The following CLASP1 variants were observed in gnomAD, a reference collection of about 807,000 sequenced individuals.
CLASP1 encodes cytoplasmic linker associated protein 1.
In CLASP1, 38 loss-of-function variants were observed where a neutral mutation model predicts 192.3. The ratio of observed to expected loss-of-function variants is 0.20; its 90% CI spans 0.15 to 0.26. CLASP1 has a LOEUF of 0.26. Among genes scored for constraint, CLASP1 ranks in the 10% least tolerant of loss-of-function variants. The pLI is 1.00. For missense variants in CLASP1, 1,433 were observed against 1,932.5 expected (o/e 0.74, Z 4.85); for synonymous variants, 691 against 712.8 (o/e 0.97, Z 0.49).
intron 1 of CLASP1, among the ~76,000 whole-genome samples, chr2:121,609,838 G>C (rs2064972597): frequency 6.6e-6 from 1 of 152,214 alleles, no homozygotes; most frequent in African/African-American, 2.4e-5. Flanking sequence ...CTACGTGGGA[G>C]GCTGAGGCAG....
chr2:121,492,617 C>A, intron 8 of CLASP1, among the ~76,000 whole-genome samples: 1 of 147,436 alleles, frequency 6.8e-6, no homozygotes, highest in African/African-American at 2.5e-5. Flanking sequence ...AAATGCAAAT[C>A]AAAACCACAA....
At chr2:121,548,268 T>C (rs534584589) in intron 2 of CLASP1, among the ~76,000 whole-genome samples, 3 of 152,226 alleles carry the variant, frequency 2.0e-5, no homozygotes, top group South Asian at 4.1e-4. Flanking sequence ...AATTTCACAA[T>C]GCAATGACAA....
intron 8 of CLASP1, among the ~76,000 whole-genome samples, chr2:121,479,041 A>C (rs2092351770): frequency 1.6e-5 from 1 of 60,714 alleles, no homozygotes; most frequent in Non-Finnish European, 3.2e-5. Context: ...CCCCACACAC[A>C]CACACACCCC....
chr2:121,472,144 C>T (rs773840226), intron 8 of CLASP1, among the ~76,000 whole-genome samples: 3 of 152,160 alleles, frequency 2.0e-5, no homozygotes, highest in Admixed American at 6.5e-5. Context: ...GACACTATCA[C>T]GCTTCACTCA....
intron 9 of CLASP1, among the ~76,000 whole-genome samples, chr2:121,465,087 G>A (rs2089243639): frequency 6.6e-6 from 1 of 152,164 alleles, no homozygotes; most frequent in Non-Finnish European, 1.5e-5. Context: ...AAAACTGGAA[G>A]CATTCCCTTT....
At chr2:121,543,591 T>C (rs554682461) in intron 2 of CLASP1, among the ~76,000 whole-genome samples, 1 of 152,158 alleles carries the variant, frequency 6.6e-6, no homozygotes, top group South Asian at 2.1e-4. Flanking sequence ...CTCACAGCTC[T>C]TCCTCCTGCC....
exon 2 of CLASP1, chr2:121,606,055 T>C (rs2064376619): frequency 1.6e-6 from 1 of 614,846 alleles, no homozygotes; most frequent in Non-Finnish European, 2.9e-6. Context: ...GCACCATGTG[T>C]GTCTGAAGAG....
At chr2:121,441,192 A>G (rs1241435148) in intron 19 of CLASP1, among the ~76,000 whole-genome samples, 1 of 152,176 alleles carries the variant, frequency 6.6e-6, no homozygotes, top group Non-Finnish European at 1.5e-5. Flanking sequence ...TCTGTTCCCT[A>G]CGTGTTTCAA....
At chr2:121,415,415 A>C (rs1343426587) in intron 23 of CLASP1, among the ~76,000 whole-genome samples, 1 of 152,224 alleles carries the variant, frequency 6.6e-6, no homozygotes, top group Non-Finnish European at 1.5e-5. Context: ...AACAGTTAAG[A>C]GCAACCTCAA....
In CLASP1 at chr2:121,377,694, T is replaced by C. The variant is rs548012509; in HGVS notation, c.3492-45A>G. On this transcript the variant is annotated intron_variant, in intron 33 of 39. Transcript: ENST00000263710. ...TATTTCTTAAATCGAGGCATATACA[T>C]AGAACTGAGATATGGGCATAAGTTA... 45 of 1,367,766 alleles carry C rather than the reference T, an allele frequency of 3.3e-5. No homozygotes were observed. In the South Asian group the frequency reaches 5.8e-4, roughly 18 times the overall value. The allele number at this position is 1,367,766 out of a possible 1,614,324, so 84.7% of individuals were successfully genotyped here.
intron 8 of CLASP1, among the ~76,000 whole-genome samples, chr2:121,470,887 C>T (rs1559336828): frequency 6.6e-6 from 1 of 152,150 alleles, no homozygotes; most frequent in African/African-American, 2.4e-5. Flanking sequence ...AAAAAGACTT[C>T]ACTTTCTATG....
intron 2 of CLASP1, among the ~76,000 whole-genome samples, chr2:121,570,336 T>G (rs2059879317): frequency 6.6e-6 from 1 of 152,248 alleles, no homozygotes; most frequent in East Asian, 1.9e-4. Context: ...AGTGCACCAC[T>G]AAGTAGAACA....
chr2:121,365,527 C>T (rs2067230282), intron 35 of CLASP1, among the ~76,000 whole-genome samples: 1 of 152,232 alleles, frequency 6.6e-6, no homozygotes, highest in Admixed American at 6.5e-5. Flanking sequence ...CCAGTACCAA[C>T]AGTCAATGTC....
At chr2:121,607,664 C>T (rs192150342) in intron 1 of CLASP1, among the ~76,000 whole-genome samples, 18 of 152,288 alleles carry the variant, frequency 1.2e-4, no homozygotes, top group African/African-American at 4.1e-4. Flanking sequence ...CAGTACCTCC[C>T]TGATACTGTG....
intron 2 of CLASP1, among the ~76,000 whole-genome samples, chr2:121,568,889 G>A (rs148514234): frequency 2.0e-5 from 3 of 152,196 alleles, no homozygotes; most frequent in Non-Finnish European, 4.4e-5. Context: ...TAGGGAGGTG[G>A]CAGGAATAGT....
At chr2:121,600,662 A>G (rs1017137614) in intron 2 of CLASP1, among the ~76,000 whole-genome samples, 1 of 152,230 alleles carries the variant, frequency 6.6e-6, no homozygotes, top group Non-Finnish European at 1.5e-5. Flanking sequence ...ACTGTACTGT[A>G]TAACTTGTTT....
At chr2:121,536,693 A>T (rs1197648517) in intron 2 of CLASP1, among the ~76,000 whole-genome samples, 5 of 152,236 alleles carry the variant, frequency 3.3e-5, no homozygotes, top group African/African-American at 1.2e-4. Flanking sequence ...AGTCACAAAG[A>T]CAAATATTGT....
intron 2 of CLASP1, among the ~76,000 whole-genome samples, chr2:121,591,013 G>A (rs1221694673): frequency 3.3e-5 from 5 of 151,836 alleles, no homozygotes; most frequent in Middle Eastern, 3.2e-3. Context: ...GACTACAGGC[G>A]TGCACCACCA....
chr2:121,339,145 AC>A (rs1459563813), exon 40 of CLASP1: 2 of 151,928 alleles, frequency 1.3e-5, no homozygotes, highest in Non-Finnish European at 2.9e-5. Flanking sequence ...ACACACACAC[AC>A]ACACACACAC....
Sources: allele counts gnomAD v4.1 joint callset (sites outside exome capture counted in the v4.1 genomes callset), GRCh38; gene constraint gnomAD v4.1.1; transcripts MANE v1.5; gene names NCBI Gene and HGNC (gene_info 2026-07-23, HGNC 2026-07-21).